Variants in RNF213 observed in about 807,000 individuals in gnomAD.
RNF213 encodes E3 ubiquitin-protein ligase RNF213.
Under a neutral mutation model 514.4 loss-of-function variants are expected in RNF213, and 341 were observed. The observed-to-expected ratio is 0.66, with a 90% confidence interval of 0.61 to 0.73. The LOEUF (loss-of-function observed/expected upper bound fraction) is 0.73. Among genes scored for constraint, RNF213 ranks in the 30% least tolerant of loss-of-function variants. The pLI, the probability that RNF213 is intolerant of heterozygous loss-of-function variation, is 0.00. For missense variants in RNF213, 5,767 were observed against 6,615.6 expected, an observed-to-expected ratio of 0.87 and a Z score of 4.45; for synonymous variants, 2,655 against 2,658.2, an observed-to-expected ratio of 1.00 and a Z score of 0.04.
rs1422714547 is a variant in RNF213 at position 80,389,219 on chromosome 17, A to T, written c.15047A>T (p.Gln5016Leu). 6.2e-7 allele frequency: 1 copy of T among 1,614,050 alleles called. No individual in the cohort carries two copies. Among genetic ancestry groups the T allele is most frequent in the Non-Finnish European group, 8.5e-7 (1 of 1,180,000 alleles). ...SVISAISGQLQSYSDACEVLS... is the reference protein window; with the variant it reads ...SVISAISGQLLSYSDACEVLS... Reference sequence around the variant, plus strand: ...ATTAGTGCCATCAGTGGACAGCTGCAGTCCTACAGCGATGCCTGTGAAGTG... The same window carrying T: ...ATTAGTGCCATCAGTGGACAGCTGCTGTCCTACAGCGATGCCTGTGAAGTG... Residue 5016 changes from glutamine (Q) to leucine (L), a missense_variant, in exon 65 of 68, where the codon CAG becomes CTG. By Grantham distance (113) the Gln-to-Leu change is moderately radical. Around this residue, in one of 13 missense-constraint regions of RNF213, gnomAD observed 1,245 missense variants for 1,339.0 expected, o/e 0.93. Coordinates refer to ENST00000582970, the MANE Select transcript of RNF213 (RefSeq NM_001256071.3).
At position 80,292,777 on chromosome 17, in the gene RNF213, G is replaced by T. The variant is rs528543193; in HGVS notation, c.1471+950G>T. On this transcript the variant is annotated intron_variant, in intron 8 of 67. Coordinates refer to ENST00000582970, the MANE Select transcript of RNF213 (RefSeq NM_001256071.3). ...CCAGTGCCGCCTCCTCACCTGGGGG[G>T]TCCTGGGCTTCCCCTCGCTCCCCCT... 2.0e-5 allele frequency among the ~76,000 whole-genome samples: 3 copies of T among 152,170 alleles called. No individual in the cohort carries two copies. The South Asian group carries it at 6.2e-4, about 32-fold the overall frequency.
chr17:80,339,927 C>G lies in RNF213; in HGVS notation c.5560C>G (p.Gln1854Glu), dbSNP rs1320748767. The G allele has an allele frequency of 3.3e-6, 5 of 1,537,016 alleles. No individual in the cohort carries two copies. The South Asian group carries it at 5.9e-5, about 18-fold the overall frequency. The stretch of plus-strand genomic sequence containing the variant: ...GGCTGTCTACATGCAAACCCCAAGC[C>G]AGCCCCTGCCCACTTACGATGAGGT... The part of the protein sequence containing the change: ...ALAVYMQTPS[Q>E]PLPTYDEVLL... The change falls in exon 26 of 68, where the codon CAG (glutamine) becomes GAG (glutamate). Residue 1854 changes from glutamine to glutamate, a missense_variant. Around this residue, in one of 13 missense-constraint regions of RNF213, gnomAD observed 1,377 missense variants for 1,635.2 expected, o/e 0.84. Transcript: ENST00000582970.
chr17:80,389,778 T>A, intron 65 of RNF213, 50 bp from the exon 66 acceptor site: 1 of 1,484,890 alleles, frequency 6.7e-7, no homozygotes, highest in Non-Finnish European at 9.4e-7. Flanking sequence ...ACGACATGAG[T>A]GGGGGTGTGA....
rs1166065876 is a variant in RNF213 at position 80,396,699 on chromosome 17, G to C, written c.*3201G>C. 1 of 144,412 alleles carries C rather than the reference G, an allele frequency of 6.9e-6. No individual in the cohort carries two copies. The highest frequency in any genetic ancestry group is 1.5e-5 in the Non-Finnish European group (1 of 66,756). 8.9% of individuals were successfully genotyped at this position (144,412 alleles called of 1,614,324 possible). A position where few individuals can be genotyped will look rare whatever the true frequency, so the allele number is the denominator to read the frequency against. ...CCATTACGAATCCCGTTTCCAGCTG[G>C]AAAAACAAGCGCCAGGAAAGTGCAT... On this transcript the variant is annotated 3_prime_UTR_variant, in exon 68 of 68. Transcript: ENST00000582970.
intron 19 of RNF213, among the ~76,000 whole-genome samples, 157 bp downstream of exon 19, chr17:80,328,146 A>G (rs903313932): frequency 1.3e-5 from 2 of 152,208 alleles, no homozygotes; most frequent in African/African-American, 4.8e-5. Context: ...GGTGGTTTAT[A>G]ATTCTCAAGA....
At chr17:80,323,962 G>A (rs1376762331) in intron 17 of RNF213, among the ~76,000 whole-genome samples, 1 of 151,982 alleles carries the variant, frequency 6.6e-6, no homozygotes, top group Non-Finnish European at 1.5e-5. Flanking sequence ...TCATTTGGTA[G>A]CTCAAATTGT....
In RNF213 at chr17:80,346,196, G is replaced by A. The variant is rs1366658838; in HGVS notation, c.7861G>A (p.Ala2621Thr). Reference protein sequence around the residue: ...GTRVITEVLCASQGFMRKTED... With the variant: ...GTRVITEVLCTSQGFMRKTED... ...TCGCGTGATCACAGAAGTCCTCTGC[G>A]CCTCTCAGGGTTTCATGAGGAAAAC... The change falls in exon 29 of 68, where the codon GCC (alanine) becomes ACC (threonine). Residue 2621 changes from alanine (A) to threonine (T), a missense_variant. By Grantham distance (58) the Ala-to-Thr change is moderately conservative. Coordinates refer to ENST00000582970, the MANE Select transcript of RNF213 (RefSeq NM_001256071.3). This position sits in a 1 kb window ranked among gnomAD's most constrained non-coding sequence, Gnocchi z 8.1. 31 of 1,614,064 alleles carry A rather than the reference G, an allele frequency of 1.9e-5. No homozygotes were observed. Among genetic ancestry groups the A allele is most frequent in the African/African-American group, 6.7e-5 (5 of 74,926 alleles).
chr17:80,337,268 G>A (rs1288567563), intron 23 of RNF213, among the ~76,000 whole-genome samples: 1 of 152,234 alleles, frequency 6.6e-6, no homozygotes, highest in Non-Finnish European at 1.5e-5. Flanking sequence ...GTCTGGTAGA[G>A]AGGCAGGCGG....
intron 46 of RNF213, among the ~76,000 whole-genome samples, chr17:80,371,481 T>G (rs572144784): frequency 6.6e-6 from 1 of 152,376 alleles, no homozygotes; most frequent in African/African-American, 2.4e-5. Context: ...TTGGAAAATA[T>G]TTTAAATGTT....
intron 38 of RNF213, among the ~76,000 whole-genome samples, chr17:80,361,067 T>C (rs1005094959): frequency 2.0e-5 from 3 of 152,200 alleles, no homozygotes; most frequent in Non-Finnish European, 4.4e-5. Flanking sequence ...CCTAATTTAC[T>C]TGGACCCGGG....
rs1199209795 is a variant in RNF213 at position 80,287,920 on chromosome 17, C to T, written c.367C>T (p.Leu123Phe). The change falls in exon 4 of 68, where the codon CTT becomes TTT. Residue 123 changes from leucine to phenylalanine, a missense_variant. Physicochemically the swap from Leu to Phe is conservative, Grantham distance 22. Coordinates refer to ENST00000582970, the MANE Select transcript of RNF213 (RefSeq NM_001256071.3). ...SPASPCHLTLLSNPWPQDTAL... is the reference protein window; with the variant it reads ...SPASPCHLTLFSNPWPQDTAL... ...TGCCAGCCCCTGTCACCTGACTTTG[C>T]TTTCAAACCCGTGGCCTCAGGACAC... 19 of 1,571,994 alleles carry T rather than the reference C, an allele frequency of 1.2e-5. No homozygotes were observed. Among genetic ancestry groups the T allele is most frequent in the Admixed American group, 9.5e-5 (5 of 52,800 alleles).
Position 80,347,803 on chromosome 17 carries a change from C to T in RNF213, c.9468C>T (p.Val3156=), listed in dbSNP as rs770593558. 19 of 1,614,068 alleles carry T rather than the reference C, an allele frequency of 1.2e-5. No homozygotes were observed. The highest frequency in any genetic ancestry group is 1.6e-4 in the Middle Eastern group (1 of 6,084). ...FRLIVIEEKD[V]VYKHFPIPLI... The stretch of plus-strand genomic sequence containing the variant: ...TGATTGTCATTGAAGAGAAAGACGT[C>T]GTGTACAAACACTTTCCCATCCCCC... The change falls in exon 29 of 68, where the codon GTC becomes GTT. Residue 3156 remains valine (V), a synonymous_variant. Transcript: ENST00000582970. The surrounding 1 kb of genome is among the most constrained non-coding windows in gnomAD (Gnocchi z 7.2).
chr17:80,336,501 A>G (rs1343829520), intron 23 of RNF213, 123 bp downstream of exon 23: 6 of 846,946 alleles, frequency 7.1e-6, no homozygotes, highest in Non-Finnish European at 1.2e-5. Flanking sequence ...GCCGTTTTCA[A>G]TGATATTTAA....
At chr17:80,380,795 C>T (rs965388255) in intron 55 of RNF213, 36 bp from the exon 56 acceptor site, 11 of 1,613,930 alleles carry the variant, frequency 6.8e-6, no homozygotes, top group Non-Finnish European at 8.5e-6. Context: ...AGCGGCCAGC[C>T]TCAGCCTCTG....
chr17:80,388,780 G>C (rs2080342507), intron 64 of RNF213, 91 bp downstream of exon 64: 5 of 1,033,354 alleles, frequency 4.8e-6, no homozygotes, highest in Non-Finnish European at 7.6e-6. Context: ...CCTTGCCCCG[G>C]GTGTTTGCTG....
intron 59 of RNF213, chr17:80,384,749 G>A: frequency 2.2e-6 from 1 of 445,396 alleles, no homozygotes; most frequent in Non-Finnish European, 4.2e-6. Flanking sequence ...CAGTTACATG[G>A]GCCCAAGGGA....
intron 6 of RNF213, 82 bp from the exon 7 acceptor site, chr17:80,290,488 T>TGTGTGTGCACGTTTGTGTGTGCAC: frequency 7.7e-7 from 1 of 1,304,174 alleles, no homozygotes; most frequent in Non-Finnish European, 1.1e-6. Context: ...TGTGCGCACG[T>TGTGTGTGCACGTTTGTGTGTGCAC]GTGTGTGTGC....
At chr17:80,327,220 A>G (rs558873180) in intron 18 of RNF213, among the ~76,000 whole-genome samples, 2 of 152,334 alleles carry the variant, frequency 1.3e-5, no homozygotes, top group South Asian at 2.1e-4. Flanking sequence ...TACTCAGGCC[A>G]TGTGAGGTGG....
rs2080643553 is a variant in RNF213 at position 80,395,670 on chromosome 17, A to G, written c.*2172A>G. The G allele has an allele frequency of 6.6e-6, 1 of 152,224 alleles. No homozygotes were observed. Among genetic ancestry groups the G allele is most frequent in the Non-Finnish European group, 1.5e-5 (1 of 68,068 alleles). 9.4% of individuals were successfully genotyped at this position (152,224 alleles called of 1,614,324 possible). A position where few individuals can be genotyped will look rare whatever the true frequency, so the allele number is the denominator to read the frequency against. ...AACGGGGTACAGGTAGGAGCTAACT[A>G]ACTTCACCCCTGAGTCCACTTGCGG... On this transcript the variant is annotated 3_prime_UTR_variant, in exon 68 of 68. Transcript: ENST00000582970.
Sources: allele counts gnomAD v4.1 joint callset (sites outside exome capture counted in the v4.1 genomes callset), GRCh38; gene constraint gnomAD v4.1.1; regional missense constraint gnomAD v4.1.1; non-coding constraint Gnocchi (gnomAD v3.1); transcripts MANE v1.5; gene names NCBI Gene and HGNC (gene_info 2026-07-23, HGNC 2026-07-21).